The following OFD1 variants were observed in gnomAD, a reference collection of about 807,000 sequenced individuals.
OFD1 encodes the protein centriole and centriolar satellite protein OFD1.
A neutral mutation model predicts 81.4 loss-of-function variants in OFD1; 12 were observed. The ratio of observed to expected loss-of-function variants is 0.15; its 90% CI spans 0.09 to 0.24. OFD1 has a LOEUF of 0.24. Among genes scored for constraint, OFD1 ranks in the 10% least tolerant of loss-of-function variants. The pLI, the probability that OFD1 is intolerant of heterozygous loss-of-function variation, is 1.00. For missense variants in OFD1, 685 were observed against 733.9 expected, an observed-to-expected ratio of 0.93 and a Z score of 0.77; for synonymous variants, 256 against 263.7, an observed-to-expected ratio of 0.97 and a Z score of 0.28.
At chrX:13,716,990 CG>C in the OFD1 span, among the ~76,000 whole-genome samples, 1 of 87,482 alleles carries the variant, frequency 1.1e-5, no homozygotes, top group Non-Finnish European at 2.1e-5. Context: ...AGGAAGTTAC[CG>C]AATTCTGTAA....
At chrX:13,739,066 A>T in intron 5 of OFD1, 34 bp downstream of exon 5, 1 of 1,159,519 alleles carries the variant, frequency 8.6e-7, no homozygotes, top group South Asian at 1.9e-5. Flanking sequence ...GAACAGCAAC[A>T]GTTTTCTATG....
At chrX:13,767,757 C>G (rs967685882) in intron 20 of OFD1, 3 of 274,434 alleles carry the variant, frequency 1.1e-5, no homozygotes, top group African/African-American at 8.3e-5. Flanking sequence ...ATGGATTACT[C>G]TGTCCACTTA....
In OFD1 at chrX:13,746,808, C is replaced by G. The variant is rs2047315054; in HGVS notation, c.683C>G (p.Ala228Gly). The G allele has an allele frequency of 8.3e-7, 1 of 1,198,935 alleles. No individual in the cohort carries two copies. The highest frequency in any genetic ancestry group is 1.8e-5 in the African/African-American group (1 of 56,734). ...KLKFFKDTEI[A>G]KIKMEAKKKY... ...AAGTTTTTTAAAGATACCGAGATAG[C>G]AAAAATTAAAATGGAAGCAAAAAAA... The change falls in exon 8 of 23, where the codon GCA becomes GGA. Residue 228 changes from alanine (A) to glycine (G), a missense_variant. Transcript: ENST00000340096.
chrX:13,740,995 C>G (rs1265282966), intron 5 of OFD1, among the ~76,000 whole-genome samples: 1 of 109,713 alleles, frequency 9.1e-6, no homozygotes, highest in East Asian at 2.8e-4. Context: ...AAAAAGTTAG[C>G]CAGGCCTGGT....
chrX:13,761,149 C>T lies in OFD1; in HGVS notation c.2325C>T (p.Pro775=), dbSNP rs1301614515. The T allele has an allele frequency of 8.3e-7, 1 of 1,210,182 alleles. No individual in the cohort carries two copies. The highest frequency in any genetic ancestry group is 2.2e-5 in the Admixed American group (1 of 46,021). ...PCPDRMPLPS[P]TESRHSLSIP... is the part of the protein sequence containing the mutation. ...CTGACAGAATGCCCCTACCATCACC[C>T]ACTGAGTCTAGGCACAGCCTCTCCA... Residue 775 remains proline, a synonymous_variant, in exon 17 of 23, where the codon CCC becomes CCT. Coordinates refer to ENST00000340096, the MANE Select transcript of OFD1 (RefSeq NM_003611.3).
At chrX:13,719,315 C>T in the OFD1 span, among the ~76,000 whole-genome samples, 11 of 110,453 alleles carry the variant, frequency 1.0e-4, no homozygotes, top group Middle Eastern at 9.3e-3. Flanking sequence ...GTTTTTGGAA[C>T]CATTCTTGAC....
intron 18 of OFD1, 43 bp downstream of exon 18, chrX:13,762,487 T>C (rs995354134): frequency 1.5e-5 from 13 of 854,218 alleles, no homozygotes; most frequent in Non-Finnish European, 2.3e-5. Flanking sequence ...GTTGAAAATC[T>C]AGAAAGCTTA....
chrX:13,717,034 TAAAAAAAAA>T, the OFD1 span, among the ~76,000 whole-genome samples: 1 of 37,936 alleles, frequency 2.6e-5, no homozygotes, highest in East Asian at 1.0e-3. Context: ...GATACTATGT[TAAAAAAAAA>T]AAAAAAAAAA....
At chrX:13,766,155 CCA>C (rs1413852696) in intron 19 of OFD1, among the ~76,000 whole-genome samples, 1 of 112,034 alleles carries the variant, frequency 8.9e-6, no homozygotes, top group Non-Finnish European at 1.9e-5. Flanking sequence ...TTGTCAGAGC[CCA>C]GACTACCATG....
intron 16 of OFD1, 146 bp downstream of exon 16, chrX:13,760,866 C>G: frequency 2.3e-6 from 2 of 863,365 alleles, no homozygotes; most frequent in Non-Finnish European, 3.3e-6. Flanking sequence ...GTGATAGTTG[C>G]CTTGCCTTTG....
At chrX:13,723,466 C>T in the OFD1 span, among the ~76,000 whole-genome samples, 1 of 111,875 alleles carries the variant, frequency 8.9e-6, no homozygotes, top group Non-Finnish European at 1.9e-5. Flanking sequence ...CCATGCCCGG[C>T]CTGATTCCAA....
chrX:13,738,051 TG>T (rs1382163675), intron 3 of OFD1, among the ~76,000 whole-genome samples: 1 of 111,372 alleles, frequency 9.0e-6, no homozygotes, highest in East Asian at 2.8e-4. Context: ...GGTTTCACCA[TG>T]TTGGCCAGGC....
At position 13,736,481 on chromosome X, in the gene OFD1, C is replaced by G. The variant is rs1435896881; in HGVS notation, c.115C>G (p.Gln39Glu). The G allele has an allele frequency of 2.5e-6, 3 of 1,208,029 alleles. No homozygotes were observed. Among genetic ancestry groups the G allele is most frequent in the Non-Finnish European group, 3.4e-6 (3 of 893,505 alleles). The change falls in exon 3 of 23, where the codon CAA becomes GAA. Residue 39 changes from glutamine (Q) to glutamate (E), a missense_variant. Around this residue, in one of 3 missense-constraint regions of OFD1, gnomAD observed 414 missense variants for 447.2 expected, o/e 0.93. Coordinates refer to ENST00000340096, the MANE Select transcript of OFD1 (RefSeq NM_003611.3). ...TTTTGTTTTTATTTTATGCTAGACA[C>G]AACTTCGAAACCAGCTAATTCATGA... ...DRGILDTLKT[Q>E]LRNQLIHELM...
In OFD1 at chrX:13,760,222, G is replaced by A. The variant is rs781730305; in HGVS notation, c.1762G>A (p.Asp588Asn). The change falls in exon 16 of 23, where the codon GAT becomes AAT. Residue 588 changes from aspartate (D) to asparagine (N), a missense_variant. By Grantham distance (23) the Asp-to-Asn change is conservative (BLOSUM62 1). This residue lies in a region of OFD1 where 414 missense variants were observed against 447.2 expected (regional missense o/e 0.93). Transcript: ENST00000340096. ...VVPCNGEISG[D>N]FLNNPFKQEN... ...GCCTTGCAATGGTGAGATAAGTGGGGATTTCTTGAACAATCCTTTTAAACA... is the reference window on the plus strand; with the variant it reads ...GCCTTGCAATGGTGAGATAAGTGGGAATTTCTTGAACAATCCTTTTAAACA... 2 of 1,211,668 alleles carry A rather than the reference G, an allele frequency of 1.7e-6. No homozygotes were observed. Among genetic ancestry groups the A allele is most frequent in the South Asian group, 3.5e-5 (2 of 56,983 alleles).
intron 5 of OFD1, among the ~76,000 whole-genome samples, chrX:13,743,424 C>T (rs2047181626): frequency 8.9e-6 from 1 of 112,233 alleles, no homozygotes; most frequent in Non-Finnish European, 1.9e-5. Flanking sequence ...TACAGGTAAC[C>T]TATGTGCAGT....
chrX:13,767,898 T>A (rs932147605), intron 20 of OFD1, 156 bp from the exon 21 acceptor site: 33 of 490,658 alleles, frequency 6.7e-5, no homozygotes, highest in Non-Finnish European at 9.6e-5. Flanking sequence ...ATATTTGTCT[T>A]CCTTTGATGA....
intron 10 of OFD1, among the ~76,000 whole-genome samples, chrX:13,752,512 A>G (rs2047542509): frequency 8.9e-6 from 1 of 112,659 alleles, no homozygotes; most frequent in South Asian, 3.6e-4. Context: ...TTTAAAAAAT[A>G]TGGCAGCTTT....
chrX:13,734,462 G>A (rs765767289), upstream of OFD1: 3 of 223,484 alleles, frequency 1.3e-5, no homozygotes, highest in Non-Finnish European at 2.4e-5. Flanking sequence ...GTCACGCAGG[G>A]GCTACGAAGT....
the OFD1 span, chrX:13,719,853 A>T: frequency 6.4e-6 from 7 of 1,101,651 alleles, no homozygotes; most frequent in Middle Eastern, 9.3e-4. Flanking sequence ...TTACAATAGC[A>T]TAAAAATTCT....
Sources: allele counts gnomAD v4.1 joint callset (sites outside exome capture counted in the v4.1 genomes callset), GRCh38; gene constraint gnomAD v4.1.1; regional missense constraint gnomAD v4.1.1; transcripts MANE v1.5; gene names NCBI Gene and HGNC (gene_info 2026-07-23, HGNC 2026-07-21).